The following EHHADH variants were observed in gnomAD, a reference collection of about 807,000 sequenced individuals.
The protein encoded by EHHADH is peroxisomal bifunctional enzyme.
In EHHADH, 48 loss-of-function variants were observed where a neutral mutation model predicts 64.4. The observed-to-expected ratio is 0.75, with a 90% CI of 0.59 to 0.95. The LOEUF is 0.95. Ranked by LOEUF, EHHADH falls within the 40% of genes least tolerant of loss-of-function variation. The pLI is 0.00. For synonymous variants in EHHADH, 308 were observed against 326.7 expected, an observed-to-expected ratio of 0.94 and a Z score of 0.62; for missense variants, 854 against 876.6, an observed-to-expected ratio of 0.97 and a Z score of 0.33.
intron 2 of EHHADH, among the ~76,000 whole-genome samples, chr3:185,245,298 T>C (rs1719565805): frequency 6.6e-6 from 1 of 152,224 alleles, no homozygotes; most frequent in South Asian, 2.1e-4. Context: ...GTCAACAGCT[T>C]GAGCATCAGC....
At chr3:185,241,274 A>C (rs1719444381) in intron 2 of EHHADH, among the ~76,000 whole-genome samples, 1 of 152,184 alleles carries the variant, frequency 6.6e-6, no homozygotes, top group South Asian at 2.1e-4. Context: ...ATGTGTGTGC[A>C]AGTATCTTTT....
intron 2 of EHHADH, chr3:185,246,126 A>C: frequency 8.2e-7 from 1 of 1,217,790 alleles, no homozygotes; most frequent in Non-Finnish European, 1.2e-6. Flanking sequence ...CTGGTTCTTG[A>C]ACATCACTTT....
At position 185,254,035 on chromosome 3, in the gene EHHADH, A is replaced by T. The variant is rs774067266; in HGVS notation, c.-13T>A. 1 of 1,612,140 alleles carries T rather than the reference A, an allele frequency of 6.2e-7. No individual in the cohort carries two copies. The highest frequency in any genetic ancestry group is 1.3e-5 in the African/African-American group (1 of 74,878). On this transcript the variant is annotated 5_prime_UTR_variant, in exon 1 of 7. Coordinates refer to ENST00000231887, the MANE Select transcript of EHHADH (RefSeq NM_001966.4). Reference sequence around the variant, plus strand: ...TATACTCGGCCATGTTTCCTCTATCACCGAGGGCACCTCTGCCTCTCGCCG... The same window carrying T: ...TATACTCGGCCATGTTTCCTCTATCTCCGAGGGCACCTCTGCCTCTCGCCG...
chr3:185,207,777 T>C (rs574809648), intron 5 of EHHADH, among the ~76,000 whole-genome samples: 1 of 152,348 alleles, frequency 6.6e-6, no homozygotes, highest in Admixed American at 6.5e-5. Flanking sequence ...ACTGCTAAGC[T>C]TGTGGTAATT....
intron 3 of EHHADH, among the ~76,000 whole-genome samples, chr3:185,230,545 C>CA (rs895626209): frequency 1.3e-5 from 2 of 151,396 alleles, no homozygotes; most frequent in Admixed American, 1.3e-4. Context: ...ACATGCTAAA[C>CA]AAAAAAAGCC....
At chr3:185,210,204 T>C (rs1718503199) in intron 5 of EHHADH, among the ~76,000 whole-genome samples, 1 of 152,190 alleles carries the variant, frequency 6.6e-6, no homozygotes, top group South Asian at 2.1e-4. Flanking sequence ...CTACCTCTGT[T>C]CCCAGCATTC....
At position 185,204,612 on chromosome 3, in the gene EHHADH, C is replaced by T. The variant is rs1231151745; in HGVS notation, c.714G>A (p.Gln238=). The T allele has an allele frequency of 1.2e-6, 2 of 1,614,236 alleles. No homozygotes were observed. Among genetic ancestry groups the T allele is most frequent in the Admixed American group, 3.3e-5 (2 of 60,032 alleles). ...CTTCATAGGGATACTGCACAGCAGC[C>T]TGGACTGCACGGACACAAGCCTCCT... ...LAQEACVRAV[Q]AAVQYPYEVG... The change falls in exon 6 of 7, where the codon CAG becomes CAA. Residue 238 remains glutamine, a synonymous_variant. Coordinates refer to ENST00000231887, the MANE Select transcript of EHHADH (RefSeq NM_001966.4).
intron 4 of EHHADH, among the ~76,000 whole-genome samples, chr3:185,225,898 C>T (rs1481013747): frequency 6.6e-6 from 1 of 152,146 alleles, no homozygotes; most frequent in African/African-American, 2.4e-5. Context: ...GTAGAGAAAC[C>T]TTTTCTAGCT....
intron 2 of EHHADH, among the ~76,000 whole-genome samples, chr3:185,239,837 T>C (rs536444463): frequency 6.6e-6 from 1 of 152,038 alleles, no homozygotes; most frequent in Non-Finnish European, 1.5e-5. Flanking sequence ...GTGGTGAGAG[T>C]GGGCATCCTT....
At chr3:185,233,244 A>C (rs1719186110) in intron 3 of EHHADH, among the ~76,000 whole-genome samples, 1 of 152,224 alleles carries the variant, frequency 6.6e-6, no homozygotes, top group African/African-American at 2.4e-5. Context: ...CAGAGGAGCA[A>C]ATTTTTTGTA....
intron 2 of EHHADH, among the ~76,000 whole-genome samples, chr3:185,244,296 G>T (rs75430935): frequency 0.014 from 2,087 of 152,192 alleles, 62 homozygotes; most frequent in African/African-American, 0.048. Context: ...AATCCAATTT[G>T]CCTGTCTATA....
At chr3:185,224,964 T>C (rs1718934607) in intron 4 of EHHADH, among the ~76,000 whole-genome samples, 1 of 152,214 alleles carries the variant, frequency 6.6e-6, no homozygotes, top group African/African-American at 2.4e-5. Flanking sequence ...TAACATAATA[T>C]ATTCACAGGT....
Position 185,247,546 on chromosome 3 carries a change from TTTA to T in EHHADH, c.178+865_178+867del, listed in dbSNP as rs1014477396. Among the ~76,000 whole-genome samples the T allele has an allele frequency of 6.6e-5, 10 of 152,042 alleles. No homozygotes were observed. In the East Asian group the frequency reaches 1.3e-3, roughly 20 times the overall value. ...TAACATGTTTAAAAATACTATTATTTTTATTATTATTATTTAATAAATAACCTA... is the reference window on the plus strand; with the variant it reads ...TAACATGTTTAAAAATACTATTATTTTTATTATTATTTAATAAATAACCTA... On this transcript the variant is annotated intron_variant, in intron 2 of 6. Coordinates refer to ENST00000231887, the MANE Select transcript of EHHADH (RefSeq NM_001966.4).
chr3:185,204,701 T>C lies in EHHADH; in HGVS notation c.625A>G (p.Met209Val), dbSNP rs1718338572. The C allele has an allele frequency of 6.2e-7, 1 of 1,613,932 alleles. No homozygotes were observed. Among genetic ancestry groups the C allele is most frequent in the South Asian group, 1.1e-5 (1 of 91,070 alleles). Reference sequence around the variant, plus strand: ...AGGGCCTCACTAAAAATGCTGTCCATGTTGGGCAAGCTCTGAATTGGCTTG... The same window carrying C: ...AGGGCCTCACTAAAAATGCTGTCCACGTTGGGCAAGCTCTGAATTGGCTTG... ...CNKPIQSLPN[M>V]DSIFSEALLK... is the part of the protein sequence containing the mutation. Residue 209 changes from methionine (M) to valine (V), a missense_variant, in exon 6 of 7, where the codon ATG becomes GTG. Coordinates refer to ENST00000231887, the MANE Select transcript of EHHADH (RefSeq NM_001966.4).
intron 2 of EHHADH, among the ~76,000 whole-genome samples, chr3:185,242,658 G>A (rs1490850262): frequency 2.0e-5 from 3 of 152,162 alleles, no homozygotes; most frequent in Admixed American, 2.0e-4. Context: ...GGAAAGTGGG[G>A]GAAAGCTGGC....
intron 5 of EHHADH, among the ~76,000 whole-genome samples, chr3:185,213,823 T>C (rs547021735): frequency 7.5e-4 from 110 of 147,166 alleles, no homozygotes; most frequent in Non-Finnish European, 1.2e-3. Context: ...GAGATTGCAG[T>C]GAGCCGAGGT....
intron 5 of EHHADH, among the ~76,000 whole-genome samples, chr3:185,208,707 A>C (rs1438663489): frequency 6.6e-6 from 1 of 152,238 alleles, no homozygotes; most frequent in Non-Finnish European, 1.5e-5. Context: ...ATATGCCATA[A>C]AGAAAACTTG....
chr3:185,239,679 G>A lies in EHHADH; in HGVS notation c.179-4217C>T, dbSNP rs552798665. On this transcript the variant is annotated intron_variant, in intron 2 of 6. Coordinates refer to ENST00000231887, the MANE Select transcript of EHHADH (RefSeq NM_001966.4). ...ATTTATCAAGTGTAAGAGTCTTTTGGAAGAGTCGTTAGGATTTTCTAAGTA... is the reference window on the plus strand; with the variant it reads ...ATTTATCAAGTGTAAGAGTCTTTTGAAAGAGTCGTTAGGATTTTCTAAGTA... 2.6e-5 allele frequency among the ~76,000 whole-genome samples: 4 copies of A among 152,196 alleles called. No individual in the cohort carries two copies. In the South Asian group the frequency reaches 8.3e-4, roughly 32 times the overall value.
intron 2 of EHHADH, 130 bp from the exon 3 acceptor site, chr3:185,235,592 C>T (rs1719269239): frequency 1.3e-6 from 1 of 758,668 alleles, no homozygotes; most frequent in South Asian, 3.1e-5. Flanking sequence ...TTTAGAGTTC[C>T]TGATGACTAA....
Sources: gnomAD v4.1 joint callset for allele counts (sites outside exome capture counted in the v4.1 genomes callset) on GRCh38, gnomAD v4.1.1 for gene constraint, MANE v1.5 for transcripts, NCBI Gene and HGNC (gene_info 2026-07-23, HGNC 2026-07-21) for gene names.